OR4D2: variants seen among roughly 807,000 people sequenced by gnomAD.
OR4D2 encodes the protein olfactory receptor family 4 subfamily D member 2.
OR4D2 carries 9 observed loss-of-function variants against 12.4 expected under a neutral mutation model. The observed-to-expected ratio is 0.73, with a 90% CI of 0.44 to 1.27. The LOEUF (loss-of-function observed/expected upper bound fraction) is 1.27, where lower values mean the gene tolerates loss of function less well. Among genes scored for constraint, OR4D2 ranks in the 50% most tolerant of loss-of-function variants. The pLI, the probability that OR4D2 is intolerant of heterozygous loss-of-function variation, is 0.00. For synonymous variants in OR4D2, 151 were observed against 151.1 expected, an observed-to-expected ratio of 1.00 and a Z score of 0.01; for missense variants, 373 against 381.6, an observed-to-expected ratio of 0.98 and a Z score of 0.19.
chr17:58,170,145 C>A lies in OR4D2; in HGVS notation c.490C>A (p.Leu164Ile). 6.2e-7 allele frequency: 1 copy of A among 1,614,164 alleles called. No homozygotes were observed. Among genetic ancestry groups the A allele is most frequent in the South Asian group, 1.1e-5 (1 of 91,090 alleles). ...CTCTATTGTCCAGCTGGCTCTGATG[C>A]TCCCACTGCCCTTCTGTGGCCCCAA... is the stretch of plus-strand genomic sequence containing the variant. ...VHSIVQLALMLPLPFCGPNIL... is the reference protein window; with the variant it reads ...VHSIVQLALMIPLPFCGPNIL... The change falls in exon 2 of 2, where the codon CTC becomes ATC. Residue 164 changes from leucine (L) to isoleucine (I), a missense_variant. Leu to Ile is a conservative substitution (Grantham distance 5). Coordinates refer to ENST00000545221, the MANE Select transcript of OR4D2 (RefSeq NM_001004707.4).
rs1483171772 is a variant in OR4D2, at chr17:58,169,772, T to A, written c.117T>A (p.Val39=). The A allele has an allele frequency of 1.9e-6, 3 of 1,613,982 alleles. No homozygotes were observed. The highest frequency in any genetic ancestry group is 1.7e-6 in the Non-Finnish European group (2 of 1,179,964). Residue 39 remains valine (V), a synonymous_variant, in exon 2 of 2, where the codon GTT becomes GTA. Coordinates refer to ENST00000545221, the MANE Select transcript of OR4D2 (RefSeq NM_001004707.4). ...TCCTGTTTGTCTACATCACCACTGTTATGGGAAACATCCTTATCATCATCA... is the reference window on the plus strand; with the variant it reads ...TCCTGTTTGTCTACATCACCACTGTAATGGGAAACATCCTTATCATCATCA... ...LMFLFVYITT[V]MGNILIIITV...
Position 58,169,832 on chromosome 17 carries a change from G to A in OR4D2, c.177G>A (p.Met59Ile). ...CTGATTCCCAGCTCCACACACCCAT[G>A]TACTTTCTGCTCCGAAACCTGGCTG... Reference protein sequence around the residue: ...VTSDSQLHTPMYFLLRNLAVL... With the variant: ...VTSDSQLHTPIYFLLRNLAVL... Residue 59 changes from methionine to isoleucine, a missense_variant, in exon 2 of 2, where the codon ATG (methionine) becomes ATA (isoleucine). Met to Ile is a conservative substitution (Grantham distance 10). Coordinates refer to ENST00000545221, the MANE Select transcript of OR4D2 (RefSeq NM_001004707.4). The A allele has an allele frequency of 3.7e-6, 6 of 1,614,148 alleles. No homozygotes were observed. The highest frequency in any genetic ancestry group is 5.1e-6 in the Non-Finnish European group (6 of 1,180,018).
Position 58,170,620 on chromosome 17 carries a change from C to A in OR4D2, c.*41C>A. 1 of 1,524,020 alleles carries A rather than the reference C, an allele frequency of 6.6e-7. No individual in the cohort carries two copies. The highest frequency in any genetic ancestry group is 9.1e-7 in the Non-Finnish European group (1 of 1,098,280). The allele number at this position is 1,524,020 out of a possible 1,614,324, so 94.4% of individuals were successfully genotyped here. On this transcript the variant is annotated 3_prime_UTR_variant, in exon 2 of 2. Coordinates refer to ENST00000545221, the MANE Select transcript of OR4D2 (RefSeq NM_001004707.4). ...GTTTCTTCTCTTTGGCTTTGTTTTC[C>A]CTTTGTGAAGTGGAGAGGGAGCTAC...
Position 58,170,376 on chromosome 17 carries a change from A to T in OR4D2, c.721A>T (p.Thr241Ser). ...EARRKAASTC[T>S]THIIVVSMIF... is the part of the protein sequence containing the mutation. ...AAGAAGGAAGGCAGCTTCCACCTGC[A>T]CCACCCACATCATCGTGGTTTCCAT... Residue 241 changes from threonine (T) to serine (S), a missense_variant, in exon 2 of 2, where the codon ACC (threonine) becomes TCC (serine). By Grantham distance (58) the Thr-to-Ser change is moderately conservative. Coordinates refer to ENST00000545221, the MANE Select transcript of OR4D2 (RefSeq NM_001004707.4). The T allele has an allele frequency of 6.2e-7, 1 of 1,614,212 alleles. No homozygotes were observed. Among genetic ancestry groups the T allele is most frequent in the Non-Finnish European group, 8.5e-7 (1 of 1,180,046 alleles).
At position 58,170,442 on chromosome 17, in the gene OR4D2, A is replaced by C; in HGVS notation, c.787A>C (p.Thr263Pro). Reference protein sequence around the residue: ...PSIYLYARPFTPFPMDKLVSI... With the variant: ...PSIYLYARPFPPFPMDKLVSI... ...CATTTACCTCTATGCCCGGCCCTTC[A>C]CTCCATTCCCTATGGACAAGCTTGT... Residue 263 changes from threonine to proline, a missense_variant, in exon 2 of 2, where the codon ACT (threonine) becomes CCT (proline). Transcript: ENST00000545221. 1 of 1,613,954 alleles carries C rather than the reference A, an allele frequency of 6.2e-7. No individual in the cohort carries two copies. Among genetic ancestry groups the C allele is most frequent in the East Asian group, 2.2e-5 (1 of 44,860 alleles).
chr17:58,169,268 T>C (rs1271662639), intron 1 of OR4D2: 1 of 242,014 alleles, frequency 4.1e-6, no homozygotes, highest in Non-Finnish European at 8.1e-6. Context: ...CAGGTATTTT[T>C]ATTTCTACCT....
chr17:58,169,405 A>C, intron 1 of OR4D2: 1 of 541,612 alleles, frequency 1.8e-6, no homozygotes, highest in African/African-American at 1.9e-5. Flanking sequence ...TCCCACCACT[A>C]TATGAATCTT....
At position 58,170,881 on chromosome 17, in the gene OR4D2, C is replaced by T. The variant is rs1448715583; in HGVS notation, c.*302C>T. 4 of 390,304 alleles carry T rather than the reference C, an allele frequency of 1.0e-5. No homozygotes were observed. The highest frequency in any genetic ancestry group is 2.4e-5 in the South Asian group (1 of 41,716). The allele number at this position is 390,304 out of a possible 1,614,324, so 24.2% of individuals were successfully genotyped here. A position where few individuals can be genotyped will look rare whatever the true frequency, so the allele number is the denominator to read the frequency against. ...TCCTGTTGACAGCATTTCCCCTGTGCGAACATTTCTATTTTCCGTATTTTG... is the reference window on the plus strand; with the variant it reads ...TCCTGTTGACAGCATTTCCCCTGTGTGAACATTTCTATTTTCCGTATTTTG... On this transcript the variant is annotated 3_prime_UTR_variant, in exon 2 of 2. Transcript: ENST00000545221.
chr17:58,167,683 TGA>T (rs1472073043), intron 1 of OR4D2, among the ~76,000 whole-genome samples: 1 of 152,174 alleles, frequency 6.6e-6, no homozygotes, highest in Non-Finnish European at 1.5e-5. Flanking sequence ...TGATCACATC[TGA>T]GTCAGAGGGG....
chr17:58,169,110 C>T (rs192815653), intron 1 of OR4D2, among the ~76,000 whole-genome samples: 2 of 152,236 alleles, frequency 1.3e-5, no homozygotes, highest in Admixed American at 6.5e-5. Context: ...AAATAATTGG[C>T]AAAGAATCTT....
chr17:58,170,812 C>T lies in OR4D2; in HGVS notation c.*233C>T. 1.9e-6 allele frequency: 1 copy of T among 532,008 alleles called. No individual in the cohort carries two copies. Among genetic ancestry groups the T allele is most frequent in the South Asian group, 2.2e-5 (1 of 45,992 alleles). The allele number at this position is 532,008 out of a possible 1,614,324, so 33.0% of individuals were successfully genotyped here. ...CAACAATGAGAATTGTTCACATGGC[C>T]CCTGAAAACCACACCTTCCTTTTCA... On this transcript the variant is annotated 3_prime_UTR_variant, in exon 2 of 2. Coordinates refer to ENST00000545221, the MANE Select transcript of OR4D2 (RefSeq NM_001004707.4).
At chr17:58,169,532 T>A in intron 1 of OR4D2, 106 bp from the exon 2 acceptor site, 1 of 754,516 alleles carries the variant, frequency 1.3e-6, no homozygotes, top group Non-Finnish European at 2.4e-6. Flanking sequence ...GGTCTACACA[T>A]AAGGATGCTC....
At chr17:58,167,999 CAAAAAAAAA>C (rs1165311786) in intron 1 of OR4D2, among the ~76,000 whole-genome samples, 2 of 39,226 alleles carry the variant, frequency 5.1e-5, no homozygotes, top group Admixed American at 3.4e-4. Context: ...GACTCCGTCA[CAAAAAAAAA>C]AAAAAAAAAA....
chr17:58,168,788 A>C (rs567456751), intron 1 of OR4D2, among the ~76,000 whole-genome samples: 1 of 152,166 alleles, frequency 6.6e-6, no homozygotes, highest in East Asian at 1.9e-4. Flanking sequence ...CTCTTGTCTC[A>C]GCACCACCAC....
rs2143680254 is a variant in OR4D2, at chr17:58,170,377, C to T, written c.722C>T (p.Thr241Ile). ...EARRKAASTCTTHIIVVSMIF... is the reference protein window; with the variant it reads ...EARRKAASTCITHIIVVSMIF... The stretch of plus-strand genomic sequence containing the variant: ...AGAAGGAAGGCAGCTTCCACCTGCA[C>T]CACCCACATCATCGTGGTTTCCATG... Residue 241 changes from threonine to isoleucine, a missense_variant, in exon 2 of 2, where the codon ACC becomes ATC. Physicochemically the swap from Thr to Ile is moderately conservative, Grantham distance 89 (BLOSUM62 -1). Coordinates refer to ENST00000545221, the MANE Select transcript of OR4D2 (RefSeq NM_001004707.4). 1.2e-6 allele frequency: 2 copies of T among 1,614,224 alleles called. No individual in the cohort carries two copies. Among genetic ancestry groups the T allele is most frequent in the Non-Finnish European group, 8.5e-7 (1 of 1,180,036 alleles).
intron 1 of OR4D2, among the ~76,000 whole-genome samples, chr17:58,168,296 C>A (rs1967915401): frequency 6.6e-6 from 1 of 151,956 alleles, no homozygotes; most frequent in Admixed American, 6.6e-5. Context: ...AGCCTCCAAC[C>A]AGCTTCAAGC....
chr17:58,167,999 CAAAA>C (rs1165311786), intron 1 of OR4D2, among the ~76,000 whole-genome samples: 2 of 39,224 alleles, frequency 5.1e-5, no homozygotes, highest in African/African-American at 1.6e-4. Context: ...GACTCCGTCA[CAAAA>C]AAAAAAAAAA....
At chr17:58,167,832 T>C (rs4603619) in intron 1 of OR4D2, among the ~76,000 whole-genome samples, 29,221 of 150,542 alleles carry the variant, frequency 0.19, 3,348 homozygotes, top group African/African-American at 0.33. Flanking sequence ...GCTAACACAG[T>C]GAAACCGTGT....
chr17:58,168,676 C>T (rs73993619), intron 1 of OR4D2, among the ~76,000 whole-genome samples: 118 of 152,302 alleles, frequency 7.7e-4, no homozygotes, highest in African/African-American at 2.7e-3. Context: ...GATTCAGTAA[C>T]ATCTTGTAAA....
Sources: allele counts gnomAD v4.1 joint callset (sites outside exome capture counted in the v4.1 genomes callset), GRCh38; gene constraint gnomAD v4.1.1; transcripts MANE v1.5; gene names NCBI Gene and HGNC (gene_info 2026-07-23, HGNC 2026-07-21).